The following TENM2 variants were observed in gnomAD, a reference collection of about 807,000 sequenced individuals.
The protein encoded by TENM2 is teneurin transmembrane protein 2, also known as teneurin-2.
TENM2 carries 52 observed loss-of-function variants against 245.2 expected under a neutral mutation model. The ratio of observed to expected loss-of-function variants is 0.21; its 90% confidence interval spans 0.17 to 0.27. The LOEUF is 0.27. TENM2 is among the 10% of genes least tolerant of loss of function. TENM2 has a pLI of 1.00. For missense variants in TENM2, 3,046 were observed against 3,666.8 expected (o/e 0.83, Z 4.37); for synonymous variants, 1,363 against 1,438.9 (o/e 0.95, Z 1.19).
chr5:167,969,040 C>A (rs569383578), intron 4 of TENM2, among the ~76,000 whole-genome samples: 1 of 152,310 alleles, frequency 6.6e-6, no homozygotes, highest in Admixed American at 6.5e-5. Context: ...TCCTTTTGGT[C>A]TTTGTTTTTA....
chr5:167,770,447 G>C (rs1270476043), intron 2 of TENM2, among the ~76,000 whole-genome samples: 1 of 152,168 alleles, frequency 6.6e-6, no homozygotes, highest in Admixed American at 6.5e-5. Flanking sequence ...GCAATGTTAG[G>C]AGCTTTGTCT....
chr5:167,966,008 G>A (rs1489005340), intron 4 of TENM2, among the ~76,000 whole-genome samples: 1 of 152,112 alleles, frequency 6.6e-6, no homozygotes, highest in Non-Finnish European at 1.5e-5. Context: ...GTGGCATAAG[G>A]CGAGAAATGA....
At chr5:167,042,977 A>G in the TENM2 span, among the ~76,000 whole-genome samples, 1 of 152,222 alleles carries the variant, frequency 6.6e-6, no homozygotes, top group African/African-American at 2.4e-5. Context: ...GGACTTGTCC[A>G]AGGACTTCCA....
chr5:167,362,506 T>A (rs1238895957), intron 1 of TENM2, among the ~76,000 whole-genome samples: 2 of 152,348 alleles, frequency 1.3e-5, no homozygotes, highest in East Asian at 3.9e-4. Context: ...AGAATGTAGA[T>A]GAGTTAATTA....
chr5:167,782,380 T>C (rs1269505884), intron 2 of TENM2, among the ~76,000 whole-genome samples: 2 of 144,984 alleles, frequency 1.4e-5, no homozygotes, highest in African/African-American at 2.6e-5. Context: ...TTACTGTTAA[T>C]AATAGAGCTC....
intron 5 of TENM2, among the ~76,000 whole-genome samples, chr5:168,020,345 A>C (rs1452055941): frequency 6.6e-6 from 1 of 152,188 alleles, no homozygotes; most frequent in Non-Finnish European, 1.5e-5. Context: ...AGGTCTTGGA[A>C]TAGACAGTAC....
chr5:167,258,278 A>C, the TENM2 span, among the ~76,000 whole-genome samples: 1 of 147,764 alleles, frequency 6.8e-6, no homozygotes, highest in Non-Finnish European at 1.5e-5. Context: ...CATATCAGAT[A>C]GGAAAGTGTT....
intron 2 of TENM2, among the ~76,000 whole-genome samples, chr5:167,674,860 C>T (rs1299937752): frequency 6.6e-6 from 1 of 152,106 alleles, no homozygotes; most frequent in African/African-American, 2.4e-5. Flanking sequence ...AGCATTGAAG[C>T]TTTTATAAAT....
At chr5:167,029,523 A>C in the TENM2 span, among the ~76,000 whole-genome samples, 1 of 152,278 alleles carries the variant, frequency 6.6e-6, no homozygotes, top group Non-Finnish European at 1.5e-5. Flanking sequence ...TCCCTTCAGC[A>C]CTGGGAGTTA....
At chr5:167,194,467 C>A in the TENM2 span, among the ~76,000 whole-genome samples, 1 of 151,998 alleles carries the variant, frequency 6.6e-6, no homozygotes, top group Non-Finnish European at 1.5e-5. Context: ...ATTAACCTAT[C>A]TTTATTACTG....
the TENM2 span, among the ~76,000 whole-genome samples, chr5:167,052,146 T>G: frequency 6.6e-6 from 1 of 152,198 alleles, no homozygotes; most frequent in Non-Finnish European, 1.5e-5. Context: ...CTATTCCTTT[T>G]ATAATCATAA....
intron 2 of TENM2, among the ~76,000 whole-genome samples, chr5:167,528,507 A>T (rs1481672939): frequency 6.6e-6 from 1 of 152,076 alleles, no homozygotes; most frequent in African/African-American, 2.4e-5. Context: ...CCTACTTTAG[A>T]AGTTTGTTGG....
intron 2 of TENM2, among the ~76,000 whole-genome samples, chr5:167,528,471 A>G (rs1436011987): frequency 6.6e-6 from 1 of 152,124 alleles, no homozygotes; most frequent in African/African-American, 2.4e-5. Context: ...GGGTAATTTC[A>G]TCTTTAAACT....
intron 4 of TENM2, among the ~76,000 whole-genome samples, chr5:167,981,837 G>C (rs371788787): frequency 9.2e-5 from 14 of 152,012 alleles, no homozygotes; most frequent in African/African-American, 3.1e-4. Context: ...AGGCAGGCGT[G>C]GTGGCGTGCA....
chr5:167,264,720 G>A, the TENM2 span, among the ~76,000 whole-genome samples: 1 of 152,166 alleles, frequency 6.6e-6, no homozygotes, highest in Non-Finnish European at 1.5e-5. Context: ...AGTGAGAGCA[G>A]CACTTTTGTC....
At chr5:167,661,893 A>G (rs1208801713) in intron 2 of TENM2, among the ~76,000 whole-genome samples, 1 of 152,186 alleles carries the variant, frequency 6.6e-6, no homozygotes, top group Non-Finnish European at 1.5e-5. Flanking sequence ...TAGAAATTCA[A>G]TAGAAAAAGC....
intron 2 of TENM2, among the ~76,000 whole-genome samples, chr5:167,419,695 C>T (rs1440481463): frequency 6.6e-6 from 1 of 152,192 alleles, no homozygotes; most frequent in Non-Finnish European, 1.5e-5. Context: ...GCCTAAGTTA[C>T]AATTCTGGAT....
chr5:167,186,211 C>T, the TENM2 span, among the ~76,000 whole-genome samples: 1 of 151,874 alleles, frequency 6.6e-6, no homozygotes, highest in Non-Finnish European at 1.5e-5. Context: ...CTTGGTTTAA[C>T]AATACTCACT....
intron 2 of TENM2, among the ~76,000 whole-genome samples, chr5:167,389,386 A>C (rs918151787): frequency 7.9e-5 from 12 of 151,918 alleles, no homozygotes; most frequent in Non-Finnish European, 1.6e-4. Context: ...TCTGAGAGAA[A>C]GTGAGAGGGA....
Sources: gnomAD v4.1 joint callset for allele counts (sites outside exome capture counted in the v4.1 genomes callset) on GRCh38, gnomAD v4.1.1 for gene constraint, MANE v1.5 for transcripts, NCBI Gene and HGNC (gene_info 2026-07-23, HGNC 2026-07-21) for gene names.